The following PHF21A variants were observed in gnomAD, a reference collection of about 807,000 sequenced individuals.
PHF21A encodes the protein BHC80a.
A neutral mutation model predicts 82.5 loss-of-function variants in PHF21A; 11 were observed. The ratio of observed to expected loss-of-function variants is 0.13; its 90% CI spans 0.08 to 0.22. The LOEUF (loss-of-function observed/expected upper bound fraction) is 0.22, where lower values mean the gene tolerates loss of function less well. Among genes scored for constraint, PHF21A ranks in the 10% least tolerant of loss-of-function variants. The pLI is 1.00. For synonymous variants in PHF21A, 297 were observed against 302.8 expected (o/e 0.98, Z 0.20); for missense variants, 579 against 837.8 (o/e 0.69, Z 3.81).
At chr11:45,988,564 A>G (rs1341985945) in intron 6 of PHF21A, among the ~76,000 whole-genome samples, 8 of 152,252 alleles carry the variant, frequency 5.3e-5, no homozygotes, top group Admixed American at 5.2e-4. Context: ...CATCTACAGT[A>G]ATAGCACAGG....
intron 15 of PHF21A, among the ~76,000 whole-genome samples, chr11:45,943,831 CT>C (rs945697773): frequency 2.0e-5 from 3 of 152,210 alleles, no homozygotes; most frequent in Non-Finnish European, 4.4e-5. Flanking sequence ...CACGTGCCCC[CT>C]GCTGTGATGC....
intron 15 of PHF21A, among the ~76,000 whole-genome samples, chr11:45,938,980 C>T (rs1260939656): frequency 6.6e-6 from 1 of 152,050 alleles, no homozygotes; most frequent in African/African-American, 2.4e-5. Context: ...ACCACAGGCA[C>T]CTGCCACCAC....
At chr11:46,117,019 T>C (rs1851518868) in intron 1 of PHF21A, 1 of 152,212 alleles carries the variant, frequency 6.6e-6, no homozygotes, top group South Asian at 2.1e-4. Flanking sequence ...TTTAAATGTA[T>C]TACTTTCTCA....
chr11:46,106,549 T>C (rs759738698), intron 1 of PHF21A, among the ~76,000 whole-genome samples: 2 of 152,202 alleles, frequency 1.3e-5, no homozygotes, highest in Non-Finnish European at 2.9e-5. Flanking sequence ...CAAAGTTTGG[T>C]CTTCGAGATA....
intron 10 of PHF21A, among the ~76,000 whole-genome samples, chr11:45,955,110 CT>C (rs1203524446): frequency 6.6e-6 from 1 of 152,210 alleles, no homozygotes; most frequent in Non-Finnish European, 1.5e-5. Context: ...GTATTTCCCC[CT>C]TTATACTAAA....
chr11:45,938,337 G>A (rs775961410), intron 15 of PHF21A, 25 bp from the exon 16 acceptor site: 9 of 1,587,902 alleles, frequency 5.7e-6, no homozygotes, highest in South Asian at 4.6e-5. Flanking sequence ...GGAAAGGTAA[G>A]AAAAAGGACA....
intron 1 of PHF21A, among the ~76,000 whole-genome samples, chr11:46,115,270 A>G (rs2097274567): frequency 6.6e-6 from 1 of 152,322 alleles, no homozygotes; most frequent in East Asian, 1.9e-4. Flanking sequence ...AATTTCTAAA[A>G]GCTTTGGAAG....
intron 7 of PHF21A, among the ~76,000 whole-genome samples, chr11:45,972,743 A>G (rs1372997988): frequency 2.6e-5 from 4 of 152,116 alleles, no homozygotes; most frequent in Non-Finnish European, 4.4e-5. Context: ...GTGAAACCCC[A>G]TCTCTACTAA....
intron 1 of PHF21A, among the ~76,000 whole-genome samples, chr11:46,108,662 G>A (rs539788194): frequency 6.6e-5 from 10 of 151,308 alleles, no homozygotes; most frequent in African/African-American, 1.9e-4. Context: ...TACTTTATAC[G>A]TATCTATATT....
At chr11:46,043,269 G>A (rs571730323) in intron 6 of PHF21A, among the ~76,000 whole-genome samples, 2 of 152,194 alleles carry the variant, frequency 1.3e-5, no homozygotes, top group African/African-American at 4.8e-5. Context: ...GACTTCTTTC[G>A]AAAGTTATCA....
intron 6 of PHF21A, among the ~76,000 whole-genome samples, chr11:46,002,531 A>G (rs561910641): frequency 6.6e-6 from 1 of 152,290 alleles, no homozygotes; most frequent in South Asian, 2.1e-4. Context: ...GGGGGAAAAA[A>G]AAAGGAATTC....
chr11:46,037,336 C>T (rs1018264772), intron 6 of PHF21A, among the ~76,000 whole-genome samples: 2 of 152,084 alleles, frequency 1.3e-5, no homozygotes, highest in African/African-American at 4.8e-5. Flanking sequence ...GCCTTCAGGC[C>T]TATTGATAAA....
chr11:46,022,224 G>C (rs117929980), intron 6 of PHF21A, among the ~76,000 whole-genome samples: 1,584 of 152,232 alleles, frequency 0.01, 9 homozygotes, highest in Non-Finnish European at 0.016. Flanking sequence ...AGGCCAAGGT[G>C]GGAGGACCAC....
At chr11:45,950,613 G>A (rs917643258) in intron 11 of PHF21A, among the ~76,000 whole-genome samples, 1 of 152,156 alleles carries the variant, frequency 6.6e-6, no homozygotes, top group African/African-American at 2.4e-5. Flanking sequence ...GCCATCCTGG[G>A]CCACAGGTTA....
intron 11 of PHF21A, among the ~76,000 whole-genome samples, chr11:45,951,270 C>T (rs1234014489): frequency 1.3e-5 from 2 of 152,102 alleles, no homozygotes; most frequent in Non-Finnish European, 2.9e-5. Context: ...GTTATTTATA[C>T]CACAATTTGA....
chr11:46,045,091 A>C (rs1056223014), intron 6 of PHF21A, among the ~76,000 whole-genome samples: 2 of 152,148 alleles, frequency 1.3e-5, no homozygotes, highest in Non-Finnish European at 2.9e-5. Flanking sequence ...TTTTGTGTTC[A>C]TTCCTATATC....
chr11:45,931,346 T>G lies in PHF21A; in HGVS notation c.*2622A>C, dbSNP rs1185468202. On this transcript the variant is annotated 3_prime_UTR_variant, in exon 19 of 19. Transcript: ENST00000676320. ...AGAGCTCTAGACAGGGCAGACAGCC[T>G]GCTGCTGGTCTCTGATCCTCTGCCA... The G allele has an allele frequency of 6.6e-6, 1 of 152,228 alleles. No individual in the cohort carries two copies. The highest frequency in any genetic ancestry group is 1.5e-5 in the Non-Finnish European group (1 of 68,050). The allele number at this position is 152,228 out of a possible 1,614,324, so 9.4% of individuals were successfully genotyped here. A position where few individuals can be genotyped will look rare whatever the true frequency, so the allele number is the denominator to read the frequency against.
At chr11:46,046,947 T>C (rs2096267915) in intron 6 of PHF21A, among the ~76,000 whole-genome samples, 1 of 152,234 alleles carries the variant, frequency 6.6e-6, no homozygotes, top group Admixed American at 6.5e-5. Context: ...TTTGCTAGTC[T>C]AGATTGAGGA....
Position 45,930,865 on chromosome 11 carries a change from GT to G in PHF21A, c.*3102del, listed in dbSNP as rs1213349071. 6.6e-6 allele frequency: 1 copy of G among 152,424 alleles called. No homozygotes were observed. Among genetic ancestry groups the G allele is most frequent in the Non-Finnish European group, 1.5e-5 (1 of 68,392 alleles). The allele number at this position is 152,424 out of a possible 1,614,324, so 9.4% of individuals were successfully genotyped here. A position where few individuals can be genotyped will look rare whatever the true frequency, so the allele number is the denominator to read the frequency against. The stretch of plus-strand genomic sequence containing the variant: ...GAGGAAGCAAGTGGAGGTGGCTGGG[GT>G]GGGGCAGTGTCACGAGCGTATGTCT... On this transcript the variant is annotated 3_prime_UTR_variant, in exon 19 of 19. Transcript: ENST00000676320.
Sources: gnomAD v4.1 joint callset for allele counts (sites outside exome capture counted in the v4.1 genomes callset) on GRCh38, gnomAD v4.1.1 for gene constraint, MANE v1.5 for transcripts, NCBI Gene and HGNC (gene_info 2026-07-23, HGNC 2026-07-21) for gene names.